The following MPHOSPH9 variants were observed in gnomAD, a reference collection of about 807,000 sequenced individuals.
The protein encoded by MPHOSPH9 is M-phase phosphoprotein 9.
In MPHOSPH9, 88 loss-of-function variants were observed where a neutral mutation model predicts 145.5. The ratio of observed to expected loss-of-function variants is 0.60; its 90% confidence interval spans 0.51 to 0.72. The LOEUF is 0.72. Ranked by LOEUF, MPHOSPH9 falls within the 30% of genes least tolerant of loss-of-function variation. MPHOSPH9 has a pLI of 0.00. For synonymous variants in MPHOSPH9, 435 were observed against 486.2 expected (o/e 0.89, Z 1.39); for missense variants, 1,238 against 1,386.6 (o/e 0.89, Z 1.70).
chr12:123,214,663 A>T, intron 7 of MPHOSPH9, 81 bp downstream of exon 7: 2 of 1,149,930 alleles, frequency 1.7e-6, no homozygotes, highest in South Asian at 2.7e-5. Context: ...GTTTTTTAAA[A>T]ATAATGCTCT....
chr12:123,237,376 G>C (rs915351496), upstream of MPHOSPH9, among the ~76,000 whole-genome samples: 1 of 152,214 alleles, frequency 6.6e-6, no homozygotes, highest in Non-Finnish European at 1.5e-5. Flanking sequence ...GTTGCAGTGA[G>C]CCAAGATCAC....
At chr12:123,177,967 T>C (rs1273485327) in intron 15 of MPHOSPH9, among the ~76,000 whole-genome samples, 2 of 152,222 alleles carry the variant, frequency 1.3e-5, no homozygotes, top group African/African-American at 4.8e-5. Context: ...AAAAGCCTAT[T>C]TTCAAGTTTA....
chr12:123,189,704 G>A (rs2947099), intron 13 of MPHOSPH9, among the ~76,000 whole-genome samples: 97,501 of 151,834 alleles, frequency 0.64, 35,777 homozygotes, highest in East Asian at 1. Context: ...GGAGGCCGAG[G>A]CGGGCGGATC....
chr12:123,175,686 G>A (rs1284082334), intron 16 of MPHOSPH9, among the ~76,000 whole-genome samples: 1 of 78,724 alleles, frequency 1.3e-5, no homozygotes, highest in African/African-American at 5.0e-5. Flanking sequence ...CACACCTCCT[G>A]CTCCAGCAAT....
chr12:123,197,953 G>A (rs1341256621), intron 12 of MPHOSPH9, among the ~76,000 whole-genome samples: 2 of 147,846 alleles, frequency 1.4e-5, no homozygotes, highest in South Asian at 2.1e-4. Flanking sequence ...GCGTGGTGGA[G>A]GGCGCCTGTA....
intron 16 of MPHOSPH9, 72 bp from the exon 17 acceptor site, chr12:123,166,861 A>G (rs761336044): frequency 4.2e-5 from 62 of 1,482,326 alleles, no homozygotes; most frequent in Admixed American, 1.6e-4. Context: ...CATATAAAAC[A>G]ATCTGCTCTC....
intron 15 of MPHOSPH9, among the ~76,000 whole-genome samples, chr12:123,178,846 T>C (rs1250589004): frequency 2.0e-5 from 3 of 152,216 alleles, no homozygotes; most frequent in African/African-American, 7.2e-5. Flanking sequence ...TTCTAATCAT[T>C]TGCAATGGAT....
rs1255352998 is a variant in MPHOSPH9, at chr12:123,210,121, A to C, written c.1129T>G (p.Ser377Ala). The C allele has an allele frequency of 1.2e-6, 2 of 1,611,158 alleles. No homozygotes were observed. Among genetic ancestry groups the C allele is most frequent in the African/African-American group, 2.7e-5 (2 of 74,810 alleles). Reference protein sequence around the residue: ...WKLEEKDMHHSLPETLEKTFI... With the variant: ...WKLEEKDMHHALPETLEKTFI... ...GTCTTCTCTAAAGTTTCAGGCAAAG[A>C]GTGGTGCATATCCTTTTCCTCTAGT... Residue 377 changes from serine (S) to alanine (A), a missense_variant, in exon 8 of 24, where the codon TCT (serine) becomes GCT (alanine). By Grantham distance (99) the Ser-to-Ala change is moderately conservative. Transcript: ENST00000606320.
intron 7 of MPHOSPH9, among the ~76,000 whole-genome samples, chr12:123,213,053 G>A (rs2046811253): frequency 6.6e-6 from 1 of 151,560 alleles, no homozygotes; most frequent in African/African-American, 2.4e-5. Flanking sequence ...TAGAGACGGG[G>A]TTTCACTGTA....
exon 1 of MPHOSPH9, chr12:123,243,899 GT>G (rs1427791954): frequency 9.2e-5 from 14 of 152,194 alleles, no homozygotes; most frequent in Non-Finnish European, 1.6e-4. Flanking sequence ...TTCCTCCTCA[GT>G]GGGTATCTAT....
At chr12:123,175,296 G>A (rs542296373) in intron 16 of MPHOSPH9, among the ~76,000 whole-genome samples, 5 of 152,068 alleles carry the variant, frequency 3.3e-5, no homozygotes, top group South Asian at 2.1e-4. Flanking sequence ...GACTACAGGC[G>A]CCAGCCACCG....
At chr12:123,220,212 GAAC>G (rs1216533529) in intron 5 of MPHOSPH9, among the ~76,000 whole-genome samples, 1 of 150,584 alleles carries the variant, frequency 6.6e-6, no homozygotes, top group Non-Finnish European at 1.5e-5. Context: ...AATAAAAACA[GAAC>G]AAAAGAAACA....
At chr12:123,183,393 C>T (rs1163198151) in intron 13 of MPHOSPH9, among the ~76,000 whole-genome samples, 1 of 151,182 alleles carries the variant, frequency 6.6e-6, no homozygotes, top group Non-Finnish European at 1.5e-5. Context: ...ACTAAAAATA[C>T]AAAAATTAGT....
At chr12:123,221,049 C>T (rs1474680438) in intron 5 of MPHOSPH9, among the ~76,000 whole-genome samples, 1 of 152,062 alleles carries the variant, frequency 6.6e-6, no homozygotes, top group Non-Finnish European at 1.5e-5. Flanking sequence ...AGCGAGACTC[C>T]GTCTCAAAAA....
chr12:123,214,873 AT>A, intron 6 of MPHOSPH9, 39 bp from the exon 7 acceptor site: 1 of 1,505,438 alleles, frequency 6.6e-7, no homozygotes, highest in Non-Finnish European at 9.2e-7. Flanking sequence ...GCTAAAAGTC[AT>A]TAGGCACAAT....
At chr12:123,157,592 C>T (rs1054446924) in intron 23 of MPHOSPH9, among the ~76,000 whole-genome samples, 1 of 152,108 alleles carries the variant, frequency 6.6e-6, no homozygotes, top group Non-Finnish European at 1.5e-5. Flanking sequence ...GCAATCCTTC[C>T]ACCTTAGCCT....
chr12:123,176,768 A>G lies in MPHOSPH9; in HGVS notation c.2376T>C (p.Ala792=), dbSNP rs2044886511. The G allele has an allele frequency of 1.2e-6, 2 of 1,613,420 alleles. No individual in the cohort carries two copies. Among genetic ancestry groups the G allele is most frequent in the Non-Finnish European group, 1.7e-6 (2 of 1,179,522 alleles). Residue 792 remains alanine, a synonymous_variant, in exon 16 of 24, where the codon GCT becomes GCC. Coordinates refer to ENST00000606320, the MANE Select transcript of MPHOSPH9 (RefSeq NM_022782.4). ...TTTCATGTTCTACTTGCTTGACCTGAGCTTCAAGTTTTGAAATCATTCTAA... is the reference window on the plus strand; with the variant it reads ...TTTCATGTTCTACTTGCTTGACCTGGGCTTCAAGTTTTGAAATCATTCTAA... The part of the protein sequence containing the change: ...DLKRMISKLE[A]QVKQVEHENM...
chr12:123,231,827 C>T (rs1441730509), intron 1 of MPHOSPH9, among the ~76,000 whole-genome samples: 1 of 151,390 alleles, frequency 6.6e-6, no homozygotes, highest in Non-Finnish European at 1.5e-5. Context: ...GGAATTCATG[C>T]ACTTATAAAA....
intron 23 of MPHOSPH9, among the ~76,000 whole-genome samples, chr12:123,157,485 C>T (rs1051231138): frequency 6.6e-6 from 1 of 152,004 alleles, no homozygotes; most frequent in Admixed American, 6.6e-5. Context: ...ATACATACTT[C>T]TGTGTTTTTG....
Sources: allele counts gnomAD v4.1 joint callset (sites outside exome capture counted in the v4.1 genomes callset), GRCh38; gene constraint gnomAD v4.1.1; transcripts MANE v1.5; gene names NCBI Gene and HGNC (gene_info 2026-07-23, HGNC 2026-07-21).